The following PCNT variants were observed in gnomAD, a reference collection of about 807,000 sequenced individuals.
PCNT encodes the protein pericentrin.
PCNT carries 319 observed loss-of-function variants against 380.4 expected under a neutral mutation model. The ratio of observed to expected loss-of-function variants is 0.84; its 90% confidence interval spans 0.77 to 0.92. The LOEUF (loss-of-function observed/expected upper bound fraction) is 0.92. Among genes scored for constraint, PCNT ranks in the 40% least tolerant of loss-of-function variants. PCNT has a pLI of 0.00. For missense variants in PCNT, 4,400 were observed against 4,255.3 expected (o/e 1.03, Z -0.95); for synonymous variants, 1,845 against 1,735.2 (o/e 1.06, Z -1.57).
In PCNT at chr21:46,367,152, G is replaced by A. The variant is rs1482615305; in HGVS notation, c.3165+13G>A. 6.8e-6 allele frequency: 11 copies of A among 1,609,092 alleles called. No individual in the cohort carries two copies. The Admixed American group carries it at 1.2e-4, about 17-fold the overall frequency. On this transcript the variant is annotated intron_variant, in intron 15 of 46. Transcript: ENST00000359568. ...GGGAGTGCACCAGGTAAGGCGCCAGGGCCCTGCCCCAGCCCAGGGCAGGCC... is the reference window on the plus strand; with the variant it reads ...GGGAGTGCACCAGGTAAGGCGCCAGAGCCCTGCCCCAGCCCAGGGCAGGCC...
chr21:46,351,650 G>A, intron 9 of PCNT, 110 bp downstream of exon 9: 1 of 769,246 alleles, frequency 1.3e-6, no homozygotes, highest in Non-Finnish European at 2.3e-6. Context: ...CAAAAAAGTG[G>A]ATTTACCTGT....
chr21:46,404,662 T>C (rs1031603194), intron 27 of PCNT, among the ~76,000 whole-genome samples: 3 of 152,236 alleles, frequency 2.0e-5, no homozygotes, highest in Admixed American at 2.0e-4. Context: ...AAATTAATTT[T>C]ATCAGTTGGG....
chr21:46,398,820 C>CTTTTT (rs11331073), intron 24 of PCNT, among the ~76,000 whole-genome samples: 12 of 114,534 alleles, frequency 1.0e-4, no homozygotes, highest in Admixed American at 1.9e-4. Context: ...TTTTCTTTTT[C>CTTTTT]TTTTTTTTTT....
At position 46,391,977 on chromosome 21, in the gene PCNT, C is replaced by T. The variant is rs1339475511; in HGVS notation, c.4216+601C>T. On this transcript the variant is annotated intron_variant, in intron 21 of 46. Coordinates refer to ENST00000359568, the MANE Select transcript of PCNT (RefSeq NM_006031.6). Reference sequence around the variant, plus strand: ...GGGGCCTGCGCTTCTCTAAAAGTTCCTTCCAGGATGGCCGTGGCCTCGGGG... The same window carrying T: ...GGGGCCTGCGCTTCTCTAAAAGTTCTTTCCAGGATGGCCGTGGCCTCGGGG... 2.0e-5 allele frequency among the ~76,000 whole-genome samples: 3 copies of T among 152,232 alleles called. No individual in the cohort carries two copies. In the South Asian group the frequency reaches 6.2e-4, roughly 31 times the overall value.
At chr21:46,401,853 T>A in intron 26 of PCNT, 132 bp downstream of exon 26, 2 of 899,882 alleles carry the variant, frequency 2.2e-6, no homozygotes, top group Non-Finnish European at 3.4e-6. Flanking sequence ...TCTTTTCTTT[T>A]TTTTGTTGTT....
chr21:46,425,899 A>G lies in PCNT; in HGVS notation c.7248A>G (p.Pro2416=), dbSNP rs759625748. The change falls in exon 33 of 47, where the codon CCA becomes CCG. Residue 2416 remains proline (P), a synonymous_variant. Coordinates refer to ENST00000359568, the MANE Select transcript of PCNT (RefSeq NM_006031.6). The surrounding 1 kb of genome is among the most constrained non-coding windows in gnomAD (Gnocchi z 4.2). ...CGCTGTCAGAAGGCCTTGCACCCCC[A>G]AGCGGCGAGCCACACCCACCCCGGA... ...ILALSEGLAP[P]SGEPHPPRKE... is the part of the protein sequence containing the mutation. 2 of 1,613,876 alleles carry G rather than the reference A, an allele frequency of 1.2e-6. No individual in the cohort carries two copies. The highest frequency in any genetic ancestry group is 1.1e-5 in the South Asian group (1 of 91,086).
chr21:46,389,505 G>T, intron 19 of PCNT, 74 bp downstream of exon 19: 1 of 1,247,648 alleles, frequency 8.0e-7, no homozygotes, highest in Non-Finnish European at 1.2e-6. Flanking sequence ...CGAGCCTGGT[G>T]GATGCCGGTG....
intron 16 of PCNT, among the ~76,000 whole-genome samples, chr21:46,383,603 G>A (rs368467718): frequency 4.3e-5 from 6 of 139,576 alleles, no homozygotes; most frequent in East Asian, 4.5e-4. Context: ...CAGCGGAAGC[G>A]CATTCATGGT....
At chr21:46,354,177 G>C (rs1294855482) in intron 11 of PCNT, 109 bp downstream of exon 11, 2 of 1,012,686 alleles carry the variant, frequency 2.0e-6, no homozygotes. Context: ...CCTTGTCCAG[G>C]GGAGGAAGGC....
At chr21:46,429,004 G>A (rs1038097164) in intron 35 of PCNT, among the ~76,000 whole-genome samples, 1 of 152,328 alleles carries the variant, frequency 6.6e-6, no homozygotes, top group African/African-American at 2.4e-5. Flanking sequence ...GTGCTGTGCC[G>A]TCAGCTGTGT....
chr21:46,329,082 C>T (rs973100518), intron 2 of PCNT, among the ~76,000 whole-genome samples: 4 of 152,168 alleles, frequency 2.6e-5, no homozygotes, highest in Non-Finnish European at 2.9e-5. Flanking sequence ...CCTGCATAGA[C>T]GTTTTAAAAG....
Position 46,414,087 on chromosome 21 carries a change from G to A in PCNT, c.6150+1095G>A, listed in dbSNP as rs534584899. ...GCTCACTGCAACCTCTGCCTCCCGA[G>A]TTCAAGTGATTCTGCAGCCTCAGCC... On this transcript the variant is annotated intron_variant, in intron 29 of 46. Transcript: ENST00000359568. Among the ~76,000 whole-genome samples the A allele has an allele frequency of 1.2e-4, 18 of 151,754 alleles. No homozygotes were observed. The South Asian group carries it at 3.7e-3, about 31-fold the overall frequency.
intron 13 of PCNT, among the ~76,000 whole-genome samples, chr21:46,358,686 G>A (rs1042118834): frequency 2.6e-5 from 4 of 151,568 alleles, no homozygotes; most frequent in African/African-American, 7.3e-5. Context: ...GCGTAGTGGC[G>A]CGATCTCAGC....
intron 29 of PCNT, among the ~76,000 whole-genome samples, chr21:46,414,302 C>A (rs118165701): frequency 0.047 from 7,201 of 152,176 alleles, 225 homozygotes; most frequent in Non-Finnish European, 0.064. Context: ...TTAGATGGCA[C>A]CTTTTGATGC....
intron 27 of PCNT, among the ~76,000 whole-genome samples, chr21:46,407,482 C>G (rs1487741643): frequency 6.6e-6 from 1 of 151,718 alleles, no homozygotes; most frequent in Non-Finnish European, 1.5e-5. Context: ...GCTGGGACTA[C>G]AGGCGCCTGC....
chr21:46,370,453 G>A (rs1361143907), intron 15 of PCNT, among the ~76,000 whole-genome samples: 1 of 151,572 alleles, frequency 6.6e-6, no homozygotes, highest in African/African-American at 2.4e-5. Context: ...TGGGGGGATA[G>A]TGAGGGGTGC....
At chr21:46,413,901 C>A (rs542481893) in intron 29 of PCNT, among the ~76,000 whole-genome samples, 14 of 152,174 alleles carry the variant, frequency 9.2e-5, no homozygotes, top group Admixed American at 6.5e-4. Context: ...GCACCAGGGG[C>A]AGGTCCCCAG....
At chr21:46,415,169 C>T (rs2086974394) in intron 29 of PCNT, among the ~76,000 whole-genome samples, 1 of 152,154 alleles carries the variant, frequency 6.6e-6, no homozygotes, top group Non-Finnish European at 1.5e-5. Context: ...ACCTCATTGG[C>T]GTTTAGAGCC....
chr21:46,432,901 G>A (rs1451645303), intron 38 of PCNT, among the ~76,000 whole-genome samples: 13 of 152,216 alleles, frequency 8.5e-5, no homozygotes, highest in African/African-American at 1.7e-4. Flanking sequence ...GATTACAGGC[G>A]TCAGCCACCA....
Sources: gnomAD v4.1 joint callset for allele counts (sites outside exome capture counted in the v4.1 genomes callset) on GRCh38, gnomAD v4.1.1 for gene constraint, Gnocchi (gnomAD v3.1) non-coding constraint, MANE v1.5 for transcripts, NCBI Gene and HGNC (gene_info 2026-07-23, HGNC 2026-07-21) for gene names.